PARP11: variants seen among roughly 807,000 people sequenced by gnomAD.
The protein encoded by PARP11 is poly(ADP-ribose) polymerase family member 11.
PARP11 carries 31 observed loss-of-function variants against 42.9 expected under a neutral mutation model. That is an observed-to-expected ratio of 0.72 (90% confidence interval 0.54 to 0.98). PARP11 has a LOEUF of 0.98. PARP11 is among the 50% of genes least tolerant of loss of function. PARP11 has a pLI of 0.00. For missense variants in PARP11, 365 were observed against 413.1 expected (o/e 0.88, Z 1.01); for synonymous variants, 137 against 127.3 (o/e 1.08, Z -0.51).
At chr12:3,868,518 C>G (rs1948426510) in intron 1 of PARP11, among the ~76,000 whole-genome samples, 1 of 152,192 alleles carries the variant, frequency 6.6e-6, no homozygotes, top group African/African-American at 2.4e-5. Flanking sequence ...ACTTACCTCC[C>G]TAACCAACTG....
intron 1 of PARP11, among the ~76,000 whole-genome samples, chr12:3,860,571 C>T (rs542293775): frequency 4.0e-4 from 61 of 152,208 alleles, no homozygotes; most frequent in Non-Finnish European, 4.9e-4. Flanking sequence ...ATGGAACTTG[C>T]TCGGGACCTG....
At chr12:3,842,592 A>T in intron 1 of PARP11, 1 of 1,001,092 alleles carries the variant, frequency 1.0e-6, no homozygotes, top group Non-Finnish European at 1.5e-6. Flanking sequence ...AACTACAATA[A>T]AGTAAAAACC....
chr12:3,871,509 T>C (rs984331504), intron 1 of PARP11, among the ~76,000 whole-genome samples: 1 of 152,184 alleles, frequency 6.6e-6, no homozygotes, highest in African/African-American at 2.4e-5. Flanking sequence ...CTTAGGTGTG[T>C]AGCAGGCTTA....
At chr12:3,826,294 T>C in intron 3 of PARP11, 61 bp from the exon 4 acceptor site, 2 of 1,203,556 alleles carry the variant, frequency 1.7e-6, no homozygotes, top group East Asian at 2.5e-5. Flanking sequence ...TAAAGTGTCA[T>C]GAAGATTAAT....
chr12:3,850,625 T>C (rs1457162342), intron 1 of PARP11, among the ~76,000 whole-genome samples: 2 of 152,176 alleles, frequency 1.3e-5, no homozygotes, highest in African/African-American at 4.8e-5. Flanking sequence ...AAGAGGCCAA[T>C]ATCTATGTGC....
intron 1 of PARP11, among the ~76,000 whole-genome samples, chr12:3,834,240 G>T (rs1318941572): frequency 6.6e-6 from 1 of 152,154 alleles, no homozygotes. Flanking sequence ...TTTGCTCAGG[G>T]GTAAAGACGA....
At chr12:3,869,708 A>G (rs1948442485) in intron 1 of PARP11, among the ~76,000 whole-genome samples, 1 of 152,182 alleles carries the variant, frequency 6.6e-6, no homozygotes. Flanking sequence ...AGCTCCCCCT[A>G]CACTGTCATA....
intron 4 of PARP11, among the ~76,000 whole-genome samples, chr12:3,822,475 T>C (rs1262466078): frequency 6.8e-6 from 1 of 146,022 alleles, no homozygotes; most frequent in Non-Finnish European, 1.5e-5. Flanking sequence ...GGCGGGCGCC[T>C]GTAGTCCCAG....
intron 6 of PARP11, among the ~76,000 whole-genome samples, chr12:3,817,190 C>CAAAA (rs36072906): frequency 2.1e-5 from 3 of 146,116 alleles, no homozygotes; most frequent in African/African-American, 7.5e-5. Context: ...GATTCTGTCT[C>CAAAA]AAAAAAAAAA....
intron 1 of PARP11, among the ~76,000 whole-genome samples, chr12:3,865,041 T>G (rs1565553033): frequency 6.6e-6 from 1 of 152,196 alleles, no homozygotes; most frequent in African/African-American, 2.4e-5. Flanking sequence ...TAAGTACTGC[T>G]TTGGCACCAT....
intron 1 of PARP11, among the ~76,000 whole-genome samples, chr12:3,866,282 T>C (rs1394392682): frequency 6.6e-6 from 1 of 152,118 alleles, no homozygotes; most frequent in African/African-American, 2.4e-5. Flanking sequence ...CTCCAGATCA[T>C]CTTATTTTTT....
chr12:3,840,088 AT>A lies in PARP11; in HGVS notation c.19-10071del, dbSNP rs1158558326. ...AGTCTATAGAAATGTGGAATATGAAATTTGGCTGGAGTCTAAACAAGCTCAG... is the reference window on the plus strand; with the variant it reads ...AGTCTATAGAAATGTGGAATATGAAATTGGCTGGAGTCTAAACAAGCTCAG... On this transcript the variant is annotated intron_variant, in intron 1 of 7. Transcript: ENST00000228820. This position sits in a 1 kb window ranked among gnomAD's most constrained non-coding sequence, Gnocchi z 4.4. 30 of 1,609,244 alleles carry A rather than the reference AT, an allele frequency of 1.9e-5. No homozygotes were observed. Among genetic ancestry groups the A allele is most frequent in the Non-Finnish European group, 1.8e-5 (21 of 1,175,622 alleles).
Position 3,814,194 on chromosome 12 carries a change from AACACAATAT to A in PARP11, c.549-15_549-7del. 3 of 1,594,630 alleles carry A rather than the reference AACACAATAT, an allele frequency of 1.9e-6. No individual in the cohort carries two copies. Among genetic ancestry groups the A allele is most frequent in the Non-Finnish European group, 2.6e-6 (3 of 1,167,856 alleles). ...TCTTGAGCTGAGCCTTTTTCCTAAAAACACAATATACACAGACACAAAAGCACACAGAAA... is the reference window on the plus strand; with the variant it reads ...TCTTGAGCTGAGCCTTTTTCCTAAAAACACAGACACAAAAGCACACAGAAA... On this transcript the variant is annotated splice_region_variant and splice_polypyrimidine_tract_variant and intron_variant, in intron 6 of 7. Coordinates refer to ENST00000228820, the MANE Select transcript of PARP11 (RefSeq NM_020367.6).
chr12:3,829,083 G>A (rs1947586671), intron 2 of PARP11, 53 bp from the exon 3 acceptor site: 1 of 1,604,592 alleles, frequency 6.2e-7, no homozygotes, highest in Non-Finnish European at 8.5e-7. Context: ...TTAATGACTT[G>A]GCCACAGAGG....
Position 3,872,320 on chromosome 12 carries a change from G to C in PARP11, c.18+892C>G, listed in dbSNP as rs1320578451. On this transcript the variant is annotated intron_variant, in intron 1 of 7. Coordinates refer to ENST00000228820, the MANE Select transcript of PARP11 (RefSeq NM_020367.6). ...CCTGGTCTCTGAAGTGCCTGGTGGT[G>C]TAAAACTTTGATTAGATTTGCTCTG... Among the ~76,000 whole-genome samples, 4 of 152,178 alleles carry C rather than the reference G, an allele frequency of 2.6e-5. No homozygotes were observed. In the South Asian group the frequency reaches 8.3e-4, roughly 32 times the overall value.
rs1317857943 is a variant in PARP11 at position 3,811,042 on chromosome 12, T to C, written c.*1081A>G. 1.3e-5 allele frequency: 2 copies of C among 152,138 alleles called. No individual in the cohort carries two copies. The highest frequency in any genetic ancestry group is 2.4e-5 in the African/African-American group (1 of 41,434). The allele number at this position is 152,138 out of a possible 1,614,324, so 9.4% of individuals were successfully genotyped here. A position where few individuals can be genotyped will look rare whatever the true frequency, so the allele number is the denominator to read the frequency against. On this transcript the variant is annotated 3_prime_UTR_variant, in exon 8 of 8. Transcript: ENST00000228820. ...CCTTACAATGAAACAGCAAAACAGA[T>C]GGAACAGGTAAACAAATTTCCACTA...
Position 3,814,167 on chromosome 12 carries a change from T to C in PARP11, c.570A>G (p.Lys190=). 6.2e-7 allele frequency: 1 copy of C among 1,603,102 alleles called. No individual in the cohort carries two copies. The highest frequency in any genetic ancestry group is 8.5e-7 in the Non-Finnish European group (1 of 1,172,906). The stretch of plus-strand genomic sequence containing the variant: ...CATTAATCTGAGGCACACCTCTTTT[T>C]TTCTTGAGCTGAGCCTTTTTCCTAA... ...FFCRKKAQLK[K]KRGVPQINEQ... The change falls in exon 7 of 8, where the codon AAA becomes AAG. Residue 190 remains lysine (K), a synonymous_variant. Coordinates refer to ENST00000228820, the MANE Select transcript of PARP11 (RefSeq NM_020367.6).
chr12:3,818,079 C>T (rs1209431940), intron 6 of PARP11, among the ~76,000 whole-genome samples: 3 of 152,208 alleles, frequency 2.0e-5, no homozygotes, highest in Non-Finnish European at 4.4e-5. Context: ...ATTTGTACTG[C>T]TGAAGTACAT....
At chr12:3,818,366 G>C (rs1284430897) in intron 6 of PARP11, among the ~76,000 whole-genome samples, 1 of 152,068 alleles carries the variant, frequency 6.6e-6, no homozygotes, top group Non-Finnish European at 1.5e-5. Flanking sequence ...CTACTTATCT[G>C]TAAACATAAC....
Sources: allele counts gnomAD v4.1 joint callset (sites outside exome capture counted in the v4.1 genomes callset), GRCh38; gene constraint gnomAD v4.1.1; non-coding constraint Gnocchi (gnomAD v3.1); transcripts MANE v1.5; gene names NCBI Gene and HGNC (gene_info 2026-07-23, HGNC 2026-07-21).